PTN: variants seen among roughly 807,000 people sequenced by gnomAD.
PTN encodes the protein heparin affin regulatory protein.
A neutral mutation model predicts 24.1 loss-of-function variants in PTN; 18 were observed. The observed-to-expected ratio is 0.75, with a 90% CI of 0.52 to 1.11. The LOEUF (loss-of-function observed/expected upper bound fraction) is 1.11, where lower values mean the gene tolerates loss of function less well. Ranked by LOEUF, PTN falls within the 50% of genes least tolerant of loss-of-function variation. The pLI is 0.00. For synonymous variants in PTN, 78 were observed against 68.6 expected (o/e 1.14, Z -0.67); for missense variants, 163 against 198.8 (o/e 0.82, Z 1.08).
intron 1 of PTN, among the ~76,000 whole-genome samples, chr7:137,278,945 CAATAATAATAATAATAAT>C (rs59932923): frequency 1.5e-5 from 2 of 134,288 alleles, no homozygotes; most frequent in African/African-American, 6.0e-5. Context: ...CATCTCAGAA[CAATAATAATAATAATAAT>C]AATAATAATA....
intron 1 of PTN, among the ~76,000 whole-genome samples, chr7:137,278,981 T>TAATAA: frequency 7.1e-6 from 1 of 140,428 alleles, no homozygotes; most frequent in African/African-American, 2.6e-5. Flanking sequence ...ATAATAATAA[T>TAATAA]AAAATAAAGA....
intron 4 of PTN, among the ~76,000 whole-genome samples, chr7:137,241,831 C>T (rs531911607): frequency 6.6e-6 from 1 of 152,088 alleles, no homozygotes; most frequent in Admixed American, 6.5e-5. Flanking sequence ...CACAGGGTAC[C>T]CCATGCTGCC....
chr7:137,325,070 G>A (rs115998710), intron 1 of PTN, among the ~76,000 whole-genome samples: 1,682 of 152,232 alleles, frequency 0.011, 26 homozygotes, highest in African/African-American at 0.039. Flanking sequence ...GAGCTTCAGT[G>A]AAATTGCAAG....
chr7:137,273,751 C>G (rs1167170141), intron 1 of PTN, among the ~76,000 whole-genome samples: 1 of 152,062 alleles, frequency 6.6e-6, no homozygotes, highest in African/African-American at 2.4e-5. Context: ...ATTAAGTAGT[C>G]TGGAGAAGAG....
chr7:137,302,958 T>C (rs1809830953), intron 1 of PTN, among the ~76,000 whole-genome samples: 3 of 151,980 alleles, frequency 2.0e-5, no homozygotes, highest in African/African-American at 7.2e-5. Flanking sequence ...AAAAAGAAAG[T>C]ACTTGATGTT....
chr7:137,331,198 G>T (rs551586789), intron 1 of PTN, among the ~76,000 whole-genome samples: 2 of 152,110 alleles, frequency 1.3e-5, no homozygotes, highest in African/African-American at 4.8e-5. Context: ...TTTAGGAAAT[G>T]TGGATCTGTC....
At chr7:137,280,742 C>T (rs1335476471) in intron 1 of PTN, among the ~76,000 whole-genome samples, 1 of 102,538 alleles carries the variant, frequency 9.8e-6, no homozygotes, top group African/African-American at 3.9e-5. Context: ...TGTGGTGGCA[C>T]GTGCCTGTAA....
chr7:137,255,083 A>G, intron 1 of PTN, 109 bp from the exon 2 acceptor site: 2 of 670,986 alleles, frequency 3.0e-6, no homozygotes, highest in Non-Finnish European at 4.6e-6. Flanking sequence ...GGAATGTTAG[A>G]TTTCAGGAAG....
chr7:137,269,159 G>C (rs938462663), intron 1 of PTN, among the ~76,000 whole-genome samples: 1 of 152,086 alleles, frequency 6.6e-6, no homozygotes, highest in Non-Finnish European at 1.5e-5. Flanking sequence ...CACAAAATCT[G>C]TTCTTCTGTT....
intron 4 of PTN, among the ~76,000 whole-genome samples, chr7:137,241,906 C>G (rs1380498673): frequency 6.6e-6 from 1 of 152,110 alleles, no homozygotes; most frequent in Admixed American, 6.5e-5. Flanking sequence ...GGGGAGGGAG[C>G]CAGTCCCAGG....
At chr7:137,286,942 G>A (rs1048037015) in intron 1 of PTN, among the ~76,000 whole-genome samples, 1 of 152,158 alleles carries the variant, frequency 6.6e-6, no homozygotes, top group African/African-American at 2.4e-5. Flanking sequence ...GCAGTTAATA[G>A]ACTATAAAAT....
intron 4 of PTN, among the ~76,000 whole-genome samples, chr7:137,229,122 A>T (rs776041971): frequency 2.6e-5 from 4 of 151,878 alleles, no homozygotes; most frequent in African/African-American, 9.7e-5. Context: ...TTTATATCCA[A>T]ATTAAACCTG....
intron 4 of PTN, chr7:137,236,262 T>C (rs1192161763): frequency 1.4e-6 from 1 of 702,128 alleles, no homozygotes; most frequent in East Asian, 2.7e-5. Context: ...GGAATTGAGA[T>C]ATCTATAGCT....
intron 1 of PTN, among the ~76,000 whole-genome samples, chr7:137,267,553 T>A (rs1809178142): frequency 6.6e-6 from 1 of 152,194 alleles, no homozygotes; most frequent in Admixed American, 6.5e-5. Flanking sequence ...CTGGCCAGTC[T>A]ATTTCACACA....
At position 137,285,106 on chromosome 7, in the gene PTN, A is replaced by T. The variant is rs1809532892; in HGVS notation, c.-1-30132T>A. 2.0e-5 allele frequency among the ~76,000 whole-genome samples: 3 copies of T among 152,198 alleles called. No homozygotes were observed. The East Asian group carries it at 5.8e-4, about 29-fold the overall frequency. On this transcript the variant is annotated intron_variant, in intron 1 of 4. Transcript: ENST00000348225. ...CATAAAAAAGCAAAGCTAATGAGCA[A>T]ATCAGTACATTCCATTTTGGAGAAG...
In PTN at chr7:137,254,854, C is replaced by A; in HGVS notation, c.115+5G>T. 3 of 1,539,978 alleles carry A rather than the reference C, an allele frequency of 1.9e-6. No homozygotes were observed. The highest frequency in any genetic ancestry group is 2.7e-6 in the Non-Finnish European group (3 of 1,126,418). On this transcript the variant is annotated splice_donor_5th_base_variant and intron_variant, in intron 2 of 4. Coordinates refer to ENST00000348225, the MANE Select transcript of PTN (RefSeq NM_002825.7). ...GCATCTTGCCTTCAGAACCCTACTG[C>A]TTACCTGGTTTCTCTTTCTTCCCTG...
At chr7:137,323,311 G>A (rs1394290598) in intron 1 of PTN, among the ~76,000 whole-genome samples, 1 of 152,180 alleles carries the variant, frequency 6.6e-6, no homozygotes, top group Non-Finnish European at 1.5e-5. Flanking sequence ...GTCGTGATTT[G>A]TAGATTGAGC....
chr7:137,343,317 G>C (rs1250873453), intron 1 of PTN, 122 bp downstream of exon 1: 4 of 368,488 alleles, frequency 1.1e-5, no homozygotes, highest in Admixed American at 6.8e-5. Context: ...TATCAGCAAA[G>C]ACACCAGGCA....
Position 137,314,784 on chromosome 7 carries a change from G to C in PTN, c.-2+28655C>G, listed in dbSNP as rs182137819. ...TAATTTTTGTATTTTTAGTATAGAC[G>C]GGCTTTCAACATGTTGGCCAGGCTG... On this transcript the variant is annotated intron_variant, in intron 1 of 4. Transcript: ENST00000348225. Among the ~76,000 whole-genome samples the C allele has an allele frequency of 4.3e-3, 652 of 151,750 alleles. 4 individuals are homozygous for C. The highest frequency in any genetic ancestry group is 0.015 in the African/African-American group (610 of 41,372).
Sources: allele counts gnomAD v4.1 joint callset (sites outside exome capture counted in the v4.1 genomes callset), GRCh38; gene constraint gnomAD v4.1.1; transcripts MANE v1.5; gene names NCBI Gene and HGNC (gene_info 2026-07-23, HGNC 2026-07-21).